ZNF233: variants seen among roughly 807,000 people sequenced by gnomAD.
ZNF233 encodes zinc finger protein 233.
Under a neutral mutation model 11.6 loss-of-function variants are expected in ZNF233, and 7 were observed. The ratio of observed to expected loss-of-function variants is 0.60; its 90% CI spans 0.34 to 1.13. The LOEUF (loss-of-function observed/expected upper bound fraction) is 1.13, where lower values mean the gene tolerates loss of function less well. ZNF233 is among the 50% of genes most tolerant of loss of function. The pLI, the probability that ZNF233 is intolerant of heterozygous loss-of-function variation, is 0.03. For missense variants in ZNF233, 711 were observed against 785.5 expected (o/e 0.91, Z 1.13); for synonymous variants, 226 against 268.5 (o/e 0.84, Z 1.55).
rs748501288 is a variant in ZNF233 at position 44,274,153 on chromosome 19, A to C, written c.1493A>C (p.His498Pro). 1.5e-5 allele frequency: 24 copies of C among 1,613,994 alleles called. No homozygotes were observed. Among genetic ancestry groups the C allele is most frequent in the Non-Finnish European group, 2.0e-5 (24 of 1,180,024 alleles). ...NFSRNSHLQA[H>P]QRVHTGEKPY... The stretch of plus-strand genomic sequence containing the variant: ...AGCCGTAATTCCCACCTTCAGGCCC[A>C]TCAGAGAGTCCATACAGGAGAGAAA... The change falls in exon 5 of 5, where the codon CAT becomes CCT. Residue 498 changes from histidine to proline, a missense_variant. Coordinates refer to ENST00000683810, the MANE Select transcript of ZNF233 (RefSeq NM_001207005.2).
At chr19:44,267,201 CTCAT>C (rs1975114058) in intron 4 of ZNF233, 2 of 437,856 alleles carry the variant, frequency 4.6e-6, no homozygotes, top group Non-Finnish European at 8.1e-6. Context: ...TCCCATCTCA[CTCAT>C]TAATTCCAAA....
At position 44,266,458 on chromosome 19, in the gene ZNF233, C is replaced by G. The variant is rs192347441; in HGVS notation, c.142+134C>G. 237 of 1,172,904 alleles carry G rather than the reference C, an allele frequency of 2.0e-4. 2 individuals carry two copies. In the African/African-American group the frequency reaches 3.2e-3, roughly 16 times the overall value. 72.7% of individuals were successfully genotyped at this position (1,172,904 alleles called of 1,614,324 possible). On this transcript the variant is annotated intron_variant, in intron 3 of 4. Coordinates refer to ENST00000683810, the MANE Select transcript of ZNF233 (RefSeq NM_001207005.2). ...GAATTTTCTAATTCCTCAGGGACAT[C>G]TTGTCTATACCTTGTCTATTTTTCT... is the stretch of plus-strand genomic sequence containing the variant.
At chr19:44,268,157 TACATAC>T (rs1975142578) in intron 4 of ZNF233, 1 of 151,242 alleles carries the variant, frequency 6.6e-6, no homozygotes, top group Non-Finnish European at 1.5e-5. Flanking sequence ...AATACATACA[TACATAC>T]ATACATACAT....
At position 44,273,097 on chromosome 19, in the gene ZNF233, G is replaced by A. The variant is rs1346670637; in HGVS notation, c.437G>A (p.Gly146Glu). ...QGDSPCQVWT[G>E]ESSQVSEDEN... Reference sequence around the variant, plus strand: ...GATTCCCCCTGTCAGGTGTGGACAGGAGAATCTAGTCAGGTCTCTGAAGAT... The same window carrying A: ...GATTCCCCCTGTCAGGTGTGGACAGAAGAATCTAGTCAGGTCTCTGAAGAT... The change falls in exon 5 of 5, where the codon GGA becomes GAA. Residue 146 changes from glycine to glutamate, a missense_variant. Coordinates refer to ENST00000683810, the MANE Select transcript of ZNF233 (RefSeq NM_001207005.2). The A allele has an allele frequency of 9.3e-6, 15 of 1,614,062 alleles. No homozygotes were observed. The highest frequency in any genetic ancestry group is 1.3e-5 in the Non-Finnish European group (15 of 1,180,014).
intron 4 of ZNF233, among the ~76,000 whole-genome samples, chr19:44,272,183 G>A (rs368088559): frequency 2.7e-5 from 4 of 149,702 alleles, no homozygotes; most frequent in African/African-American, 4.9e-5. Flanking sequence ...AGCCAAGATC[G>A]TGCCACCACA....
chr19:44,263,311 G>A (rs1350442361), intron 1 of ZNF233, among the ~76,000 whole-genome samples: 1 of 152,080 alleles, frequency 6.6e-6, no homozygotes, highest in Non-Finnish European at 1.5e-5. Context: ...ATATGCCCTA[G>A]CCATCACTCT....
chr19:44,267,560 T>C (rs1975125671), intron 4 of ZNF233: 2 of 394,126 alleles, frequency 5.1e-6, no homozygotes, highest in Non-Finnish European at 8.9e-6. Flanking sequence ...TTTTTTTTTT[T>C]TGGTAGAGAT....
intron 2 of ZNF233, 68 bp from the exon 3 acceptor site, chr19:44,266,130 C>T: frequency 6.7e-7 from 1 of 1,492,106 alleles, no homozygotes; most frequent in South Asian, 1.3e-5. Context: ...TTTCTACCTG[C>T]TCAGTGCTGC....
intron 1 of ZNF233, 97 bp downstream of exon 1, chr19:44,260,035 G>A (rs960409533): frequency 1.0e-5 from 4 of 398,832 alleles, no homozygotes; most frequent in South Asian, 1.8e-5. Flanking sequence ...AAGGGAAGTC[G>A]CAGAGGGCGG....
At chr19:44,266,789 T>G in intron 3 of ZNF233, 77 bp from the exon 4 acceptor site, 1 of 1,068,794 alleles carries the variant, frequency 9.4e-7, no homozygotes, top group Middle Eastern at 2.1e-4. Context: ...TTAGAGCGCA[T>G]GAAAATGGTG....
intron 3 of ZNF233, 35 bp from the exon 4 acceptor site, chr19:44,266,831 A>T: frequency 6.5e-7 from 1 of 1,533,918 alleles, no homozygotes; most frequent in East Asian, 2.3e-5. Flanking sequence ...ACTATAATGC[A>T]TTCACTTTAT....
At position 44,266,287 on chromosome 19, in the gene ZNF233, T is replaced by A; in HGVS notation, c.105T>A (p.Asp35Glu). The change falls in exon 3 of 5, where the codon GAT becomes GAA. Residue 35 changes from aspartate to glutamate, a missense_variant. Coordinates refer to ENST00000683810, the MANE Select transcript of ZNF233 (RefSeq NM_001207005.2). ...TTGCCCAGAGAAAGCTGTACCAAGA[T>A]GTGATGCTGGAGAACTTCAGGAACC... ...LDLAQRKLYQ[D>E]VMLENFRNLL... The A allele has an allele frequency of 6.2e-7, 1 of 1,610,632 alleles. No individual in the cohort carries two copies. The highest frequency in any genetic ancestry group is 8.5e-7 in the Non-Finnish European group (1 of 1,178,158).
chr19:44,275,099 T>C lies in ZNF233; in HGVS notation c.*426T>C. The C allele has an allele frequency of 2.5e-6, 1 of 401,140 alleles. No individual in the cohort carries two copies. Among genetic ancestry groups the C allele is most frequent in the African/African-American group, 2.1e-5 (1 of 48,748 alleles). The allele number at this position is 401,140 out of a possible 1,614,324, so 24.8% of individuals were successfully genotyped here. The stretch of plus-strand genomic sequence containing the variant: ...TCCATGCAGGAACATTGTTTACTGC[T>C]GCATGATCGTGACCTTGAACAAGTA... On this transcript the variant is annotated 3_prime_UTR_variant, in exon 5 of 5. Transcript: ENST00000683810.
At chr19:44,262,016 C>T (rs1163183758) in intron 1 of ZNF233, among the ~76,000 whole-genome samples, 1 of 152,100 alleles carries the variant, frequency 6.6e-6, no homozygotes, top group Non-Finnish European at 1.5e-5. Flanking sequence ...ATTAAAAACG[C>T]AGAAGAAATT....
chr19:44,259,953 A>G lies in ZNF233; in HGVS notation c.-48+15A>G. On this transcript the variant is annotated intron_variant, in intron 1 of 4. Transcript: ENST00000683810. ...CCCTCTGGGAGGTGAGTCAGCGCGG[A>G]ACCTCTGCATCTACGGCGAGCTTTC... The G allele has an allele frequency of 2.2e-6, 1 of 455,448 alleles. No homozygotes were observed. The highest frequency in any genetic ancestry group is 4.4e-6 in the Non-Finnish European group (1 of 226,352). 28.2% of individuals were successfully genotyped at this position (455,448 alleles called of 1,614,324 possible). A position where few individuals can be genotyped will look rare whatever the true frequency, so the allele number is the denominator to read the frequency against.
At chr19:44,265,360 TATATATACACAC>T (rs1975044736) in intron 2 of ZNF233, among the ~76,000 whole-genome samples, 1 of 43,056 alleles carries the variant, frequency 2.3e-5, no homozygotes, top group Non-Finnish European at 4.2e-5. Flanking sequence ...TTCCATCATA[TATATATACACAC>T]ACACACACAC....
intron 4 of ZNF233, chr19:44,267,162 G>A (rs188616265): frequency 6.4e-5 from 28 of 439,464 alleles, no homozygotes; most frequent in East Asian, 9.8e-5. Context: ...AGATCATGTC[G>A]CTCCTTGGCT....
chr19:44,263,693 A>G (rs1298682174), intron 1 of ZNF233, among the ~76,000 whole-genome samples: 1 of 152,220 alleles, frequency 6.6e-6, no homozygotes, highest in African/African-American at 2.4e-5. Context: ...GCCAATCAGA[A>G]TTATAGACTT....
intron 1 of ZNF233, among the ~76,000 whole-genome samples, chr19:44,261,648 C>CTTTTTT (rs910276344): frequency 7.8e-6 from 1 of 128,286 alleles, no homozygotes; most frequent in African/African-American, 3.0e-5. Flanking sequence ...AATGATTTCA[C>CTTTTTT]TTTTTTTTTT....
Sources: gnomAD v4.1 joint callset for allele counts (sites outside exome capture counted in the v4.1 genomes callset) on GRCh38, gnomAD v4.1.1 for gene constraint, MANE v1.5 for transcripts, NCBI Gene and HGNC (gene_info 2026-07-23, HGNC 2026-07-21) for gene names.